Variants in RXRG observed in about 807,000 individuals in gnomAD.
RXRG encodes the protein retinoic acid receptor RXR-gamma.
In RXRG, 19 loss-of-function variants were observed where a neutral mutation model predicts 49.2. The ratio of observed to expected loss-of-function variants is 0.39; its 90% CI spans 0.27 to 0.57. The LOEUF is 0.57. Ranked by LOEUF, RXRG falls within the 20% of genes least tolerant of loss-of-function variation. The pLI, the probability that RXRG is intolerant of heterozygous loss-of-function variation, is 0.64. For synonymous variants in RXRG, 224 were observed against 216.6 expected (o/e 1.03, Z -0.30); for missense variants, 452 against 592.5 (o/e 0.76, Z 2.46).
At chr1:165,443,567 A>G (rs375669206) in intron 1 of RXRG, among the ~76,000 whole-genome samples, 6 of 152,332 alleles carry the variant, frequency 3.9e-5, no homozygotes, top group Admixed American at 2.0e-4. Context: ...CACATCATGC[A>G]GTATTATAAT....
At chr1:165,442,957 C>T (rs1659051501) in intron 1 of RXRG, among the ~76,000 whole-genome samples, 1 of 152,160 alleles carries the variant, frequency 6.6e-6, no homozygotes, top group African/African-American at 2.4e-5. Context: ...ATTAAAGCAA[C>T]AATATTATAA....
chr1:165,413,947 A>C (rs1411424013), intron 4 of RXRG, among the ~76,000 whole-genome samples: 1 of 152,132 alleles, frequency 6.6e-6, no homozygotes, highest in Non-Finnish European at 1.5e-5. Context: ...CCCCAATTCC[A>C]TCTCTTTATC....
At chr1:165,437,019 T>C in intron 1 of RXRG, 1 of 1,219,478 alleles carries the variant, frequency 8.2e-7, no homozygotes, top group South Asian at 1.6e-5. Flanking sequence ...GGAGTGTTTC[T>C]TCTAGGCTGG....
intron 1 of RXRG, among the ~76,000 whole-genome samples, chr1:165,432,136 T>C (rs1056665549): frequency 2.6e-5 from 4 of 152,318 alleles, no homozygotes; most frequent in African/African-American, 9.6e-5. Context: ...TGAAAGTGAT[T>C]TGAAAATTAA....
intron 9 of RXRG, among the ~76,000 whole-genome samples, chr1:165,403,210 C>G (rs1195641414): frequency 1.3e-5 from 2 of 152,164 alleles, no homozygotes; most frequent in Non-Finnish European, 2.9e-5. Context: ...CTGTGTGACC[C>G]TCTGTGCACA....
intron 1 of RXRG, among the ~76,000 whole-genome samples, chr1:165,431,473 G>A (rs924418400): frequency 3.3e-5 from 5 of 152,178 alleles, no homozygotes; most frequent in East Asian, 3.9e-4. Flanking sequence ...AGGTGAGTTA[G>A]GCGCCAGCCC....
intron 2 of RXRG, among the ~76,000 whole-genome samples, chr1:165,424,516 G>A (rs3753896): frequency 2.0e-5 from 3 of 152,020 alleles, no homozygotes; most frequent in South Asian, 2.1e-4. Context: ...GTAACCCCAC[G>A]ATAAAGAAAA....
At chr1:165,416,632 C>T (rs984946267) in intron 4 of RXRG, among the ~76,000 whole-genome samples, 2 of 152,188 alleles carry the variant, frequency 1.3e-5, no homozygotes, top group East Asian at 1.9e-4. Context: ...CCCTGAAGGT[C>T]AGTCTGACGA....
At chr1:165,422,759 A>G (rs1038017764) in intron 2 of RXRG, among the ~76,000 whole-genome samples, 3 of 152,244 alleles carry the variant, frequency 2.0e-5, no homozygotes, top group African/African-American at 7.2e-5. Context: ...TCAGTAATAC[A>G]GTGAATGAGG....
At chr1:165,441,060 A>G (rs985640637) in intron 1 of RXRG, among the ~76,000 whole-genome samples, 2 of 152,262 alleles carry the variant, frequency 1.3e-5, no homozygotes, top group African/African-American at 4.8e-5. Flanking sequence ...TCTAGCATAT[A>G]CACACATGTG....
chr1:165,427,400 A>G (rs1658519287), intron 2 of RXRG, among the ~76,000 whole-genome samples: 2 of 141,470 alleles, frequency 1.4e-5, no homozygotes, highest in Non-Finnish European at 3.0e-5. Flanking sequence ...GGAATCTGTC[A>G]TATGTTTTGT....
intron 2 of RXRG, among the ~76,000 whole-genome samples, chr1:165,420,526 C>T (rs186445022): frequency 6.6e-6 from 1 of 152,286 alleles, no homozygotes; most frequent in East Asian, 1.9e-4. Flanking sequence ...CTGTGCCAGG[C>T]TCTGGGGTAC....
intron 1 of RXRG, among the ~76,000 whole-genome samples, chr1:165,439,766 C>T (rs962180538): frequency 2.6e-5 from 4 of 152,210 alleles, no homozygotes; most frequent in Admixed American, 1.3e-4. Context: ...TTTTCTACAT[C>T]GGTTAAAATG....
chr1:165,411,194 A>C, intron 4 of RXRG, 85 bp from the exon 5 acceptor site: 1 of 1,339,554 alleles, frequency 7.5e-7, no homozygotes, highest in Non-Finnish European at 1.0e-6. Flanking sequence ...GCCTCAATTT[A>C]CTCATCTATG....
At chr1:165,417,891 T>C (rs966798657) in intron 3 of RXRG, among the ~76,000 whole-genome samples, 2 of 151,880 alleles carry the variant, frequency 1.3e-5, no homozygotes, top group African/African-American at 4.8e-5. Flanking sequence ...TCACTTGAGG[T>C]CAGGAGCTTT....
Position 165,428,966 on chromosome 1 carries a change from C to T in RXRG, c.50G>A (p.Gly17Asp), listed in dbSNP as rs1658582811. 1.2e-6 allele frequency: 2 copies of T among 1,611,424 alleles called. No individual in the cohort carries two copies. Among genetic ancestry groups the T allele is most frequent in the South Asian group, 2.2e-5 (2 of 90,438 alleles). Residue 17 changes from glycine (G) to aspartate (D), a missense_variant and splice_region_variant, in exon 2 of 10, where the codon GGC becomes GAC. Physicochemically the swap from Gly to Asp is moderately conservative, Grantham distance 94 (BLOSUM62 -1). This residue lies in a region of RXRG where 166 missense variants were observed against 151.7 expected (regional missense o/e 1.09). Coordinates refer to ENST00000359842, the MANE Select transcript of RXRG (RefSeq NM_006917.5). ...TGTAGAGCCAGTGTGGCCAGGGGAG[C>T]CTGTAAGAAGAAGAATATAGATGGT... ...HFMKFPAGYGGSPGHTGSTSM... is the reference protein window; with the variant it reads ...HFMKFPAGYGDSPGHTGSTSM...
chr1:165,402,883 C>T (rs1657628664), intron 9 of RXRG, among the ~76,000 whole-genome samples: 1 of 152,194 alleles, frequency 6.6e-6, no homozygotes, highest in South Asian at 2.1e-4. Flanking sequence ...CACATGTGCA[C>T]ACACTCATTC....
rs569237358 is a variant in RXRG, at chr1:165,443,834, G to C, written c.49+1011C>G. On this transcript the variant is annotated intron_variant, in intron 1 of 9. Coordinates refer to ENST00000359842, the MANE Select transcript of RXRG (RefSeq NM_006917.5). ...GCCTTCAGATGAATTGGTCCACGGA[G>C]GAAGTCTGGAGAGCAGGGACTTTTC... Among the ~76,000 whole-genome samples, 4 of 152,308 alleles carry C rather than the reference G, an allele frequency of 2.6e-5. No individual in the cohort carries two copies. The East Asian group carries it at 7.7e-4, about 29-fold the overall frequency.
At chr1:165,402,143 GGCCCAGTCTCA>G (rs1316439296) in intron 9 of RXRG, among the ~76,000 whole-genome samples, 1 of 151,388 alleles carries the variant, frequency 6.6e-6, no homozygotes, top group Non-Finnish European at 1.5e-5. Context: ...GGAGTGCAAT[GGCCCAGTCTCA>G]GCTCACTGCA....
Sources: gnomAD v4.1 joint callset for allele counts (sites outside exome capture counted in the v4.1 genomes callset) on GRCh38, gnomAD v4.1.1 for gene constraint, gnomAD v4.1.1 regional missense constraint, MANE v1.5 for transcripts, NCBI Gene and HGNC (gene_info 2026-07-23, HGNC 2026-07-21) for gene names.